Variants in SLC2A3 observed in about 807,000 individuals in gnomAD.
SLC2A3 encodes solute carrier family 2 member 3, also known as solute carrier family 2, facilitated glucose transporter member 3.
Under a neutral mutation model 46.4 loss-of-function variants are expected in SLC2A3, and 21 were observed. The ratio of observed to expected loss-of-function variants is 0.45; its 90% CI spans 0.32 to 0.65. The LOEUF is 0.65. SLC2A3 is among the 30% of genes least tolerant of loss of function. The probability of loss-of-function intolerance (pLI) is 0.04; values close to 1 mark genes in which losing one functional copy is unlikely to be tolerated. For synonymous variants in SLC2A3, 213 were observed against 239.4 expected, an observed-to-expected ratio of 0.89 and a Z score of 1.02; for missense variants, 499 against 623.3, an observed-to-expected ratio of 0.80 and a Z score of 2.12.
At chr12:7,928,126 G>A (rs1205402725) in intron 6 of SLC2A3, among the ~76,000 whole-genome samples, 4 of 151,688 alleles carry the variant, frequency 2.6e-5, no homozygotes, top group Non-Finnish European at 4.4e-5. Flanking sequence ...TGGGCCAGGC[G>A]CAGTGGCTCA....
chr12:7,934,736 C>A (rs1256199925), intron 1 of SLC2A3, among the ~76,000 whole-genome samples: 1 of 151,970 alleles, frequency 6.6e-6, no homozygotes, highest in African/African-American at 2.4e-5. Flanking sequence ...ATCTTAAACT[C>A]CTTTCCTTTC....
chr12:7,927,684 T>C (rs115743696), intron 6 of SLC2A3, among the ~76,000 whole-genome samples: 3,652 of 152,144 alleles, frequency 0.024, 143 homozygotes, highest in African/African-American at 0.082. Flanking sequence ...GACTCAGGAA[T>C]CCCAACCCCC....
intron 6 of SLC2A3, 64 bp from the exon 7 acceptor site, chr12:7,926,012 A>G: frequency 7.2e-7 from 1 of 1,396,680 alleles, no homozygotes; most frequent in Non-Finnish European, 1.0e-6. Flanking sequence ...AGAACCCTCA[A>G]AAATAAACTT....
intron 1 of SLC2A3, among the ~76,000 whole-genome samples, chr12:7,935,177 C>G (rs776351618): frequency 1.3e-5 from 2 of 152,192 alleles, no homozygotes; most frequent in South Asian, 4.1e-4. Flanking sequence ...TTTCTTGCTG[C>G]GCGCAGTGGC....
In SLC2A3 at chr12:7,922,295, C is replaced by T. The variant is rs958291006; in HGVS notation, c.1272+526G>A. On this transcript the variant is annotated intron_variant, in intron 9 of 9. Coordinates refer to ENST00000075120, the MANE Select transcript of SLC2A3 (RefSeq NM_006931.3). ...AGTCAGGTTGGTCCCCAACTCCTGA[C>T]CTCAAGTTATCCACCCGCCTAGGCC... Among the ~76,000 whole-genome samples, 2 of 152,096 alleles carry T rather than the reference C, an allele frequency of 1.3e-5. 1 individual carries two copies. Among genetic ancestry groups the T allele is most frequent in the Non-Finnish European group, 2.9e-5 (2 of 68,004 alleles).
chr12:7,927,380 G>A (rs1050082916), intron 6 of SLC2A3, among the ~76,000 whole-genome samples: 2 of 151,956 alleles, frequency 1.3e-5, no homozygotes, highest in African/African-American at 4.8e-5. Context: ...ATGTCTACAC[G>A]TCAAAAACCT....
Position 7,936,145 on chromosome 12 carries a change from C to A in SLC2A3, c.-111G>T, listed in dbSNP as rs2121206046. 1.1e-6 allele frequency: 1 copy of A among 888,798 alleles called. No homozygotes were observed. The highest frequency in any genetic ancestry group is 1.9e-6 in the Non-Finnish European group (1 of 524,948). The allele number at this position is 888,798 out of a possible 1,614,324, so 55.1% of individuals were successfully genotyped here. A position where few individuals can be genotyped will look rare whatever the true frequency, so the allele number is the denominator to read the frequency against. On this transcript the variant is annotated 5_prime_UTR_variant, in exon 1 of 10. Transcript: ENST00000075120. ...CCTTCTCAGCAGCAAGTTTTCTCCA[C>A]GTCCTCAGGAAGGATCCAAAGTCTT...
In SLC2A3 at chr12:7,936,043, TC is replaced by T; in HGVS notation, c.-10del. 1 of 1,606,688 alleles carries T rather than the reference TC, an allele frequency of 6.2e-7. No homozygotes were observed. Among genetic ancestry groups the T allele is most frequent in the Non-Finnish European group, 8.5e-7 (1 of 1,173,268 alleles). On this transcript the variant is annotated 5_prime_UTR_variant, in exon 1 of 10. Transcript: ENST00000075120. ...ACCTTCTGTGTCCCCATCGCTGTAA[TC>T]TAATTCAAGTCTTCAAGAAAGATCT...
intron 1 of SLC2A3, among the ~76,000 whole-genome samples, chr12:7,934,798 T>C (rs2430588): frequency 0.21 from 32,008 of 151,852 alleles, 3,864 homozygotes; most frequent in South Asian, 0.29. Context: ...AGAAGTGACC[T>C]TGCCTGCAGC....
chr12:7,924,545 T>C (rs938356639), intron 7 of SLC2A3, 34 bp from the exon 8 acceptor site: 1 of 1,572,368 alleles, frequency 6.4e-7, no homozygotes, highest in African/African-American at 1.4e-5. Flanking sequence ...ACTTCAGTTT[T>C]CCTTTCCATG....
intron 7 of SLC2A3, 128 bp downstream of exon 7, chr12:7,925,716 C>A: frequency 1.3e-6 from 1 of 747,376 alleles, no homozygotes; most frequent in Non-Finnish European, 2.3e-6. Context: ...AAATTTATCT[C>A]TTTTTCCCAA....
At chr12:7,921,828 C>A (rs757145979) in intron 9 of SLC2A3, among the ~76,000 whole-genome samples, 197 bp from the exon 10 acceptor site, 1 of 152,190 alleles carries the variant, frequency 6.6e-6, no homozygotes, top group South Asian at 2.1e-4. Context: ...TCTGTCATTC[C>A]ATTTCATTAC....
At chr12:7,933,960 TTTC>T in intron 1 of SLC2A3, 58 bp from the exon 2 acceptor site, 1 of 1,508,432 alleles carries the variant, frequency 6.6e-7, no homozygotes, top group Non-Finnish European at 9.2e-7. Flanking sequence ...TTGATGACTG[TTTC>T]TTATTAATTA....
intron 6 of SLC2A3, among the ~76,000 whole-genome samples, chr12:7,928,996 T>C (rs1350645211): frequency 1.3e-5 from 2 of 151,952 alleles, no homozygotes; most frequent in South Asian, 2.1e-4. Flanking sequence ...TAACCCCTCA[T>C]AAGAAGCACT....
At chr12:7,934,475 A>T (rs987413062) in intron 1 of SLC2A3, among the ~76,000 whole-genome samples, 2 of 151,196 alleles carry the variant, frequency 1.3e-5, no homozygotes, top group Non-Finnish European at 2.9e-5. Flanking sequence ...TATTAAATAC[A>T]GTTCTGCTAT....
chr12:7,920,523 ATTATC>A lies in SLC2A3; in HGVS notation c.*885_*889del, dbSNP rs1946024418. The A allele has an allele frequency of 6.6e-6, 1 of 152,188 alleles. No homozygotes were observed. The highest frequency in any genetic ancestry group is 2.4e-5 in the African/African-American group (1 of 41,432). The allele number at this position is 152,188 out of a possible 1,614,324, so 9.4% of individuals were successfully genotyped here. On this transcript the variant is annotated 3_prime_UTR_variant, in exon 10 of 10. Transcript: ENST00000075120. ...TTTCAAGTACTACTACATGTAAACT[ATTATC>A]TTAAAGAAAAAAGCTCCAAAGGAAA...
In SLC2A3 at chr12:7,925,936, A is replaced by T. The variant is rs1946090611; in HGVS notation, c.874T>A (p.Ser292Thr). 1 of 1,613,042 alleles carries T rather than the reference A, an allele frequency of 6.2e-7. No homozygotes were observed. The highest frequency in any genetic ancestry group is 1.7e-5 in the Admixed American group (1 of 59,968). Residue 292 changes from serine (S) to threonine (T), a missense_variant, in exon 7 of 10, where the codon TCA (serine) becomes ACA (threonine). Coordinates refer to ENST00000075120, the MANE Select transcript of SLC2A3 (RefSeq NM_006931.3). ...CCTGCATCCTTGAAGATTCCTGTTGAGTAATAGAACACCTAGGAGAAAAGA... is the reference window on the plus strand; with the variant it reads ...CCTGCATCCTTGAAGATTCCTGTTGTGTAATAGAACACCTAGGAGAAAAGA... ...LSGINAVFYY[S>T]TGIFKDAGVQ...
Position 7,921,015 on chromosome 12 carries a change from G to T in SLC2A3, c.*398C>A. The T allele has an allele frequency of 4.0e-6, 1 of 252,538 alleles. No individual in the cohort carries two copies. The highest frequency in any genetic ancestry group is 4.0e-5 in the South Asian group (1 of 24,760). The allele number at this position is 252,538 out of a possible 1,614,324, so 15.6% of individuals were successfully genotyped here. On this transcript the variant is annotated 3_prime_UTR_variant, in exon 10 of 10. Coordinates refer to ENST00000075120, the MANE Select transcript of SLC2A3 (RefSeq NM_006931.3). The stretch of plus-strand genomic sequence containing the variant: ...GGTGCTCTTACATAAACACCCTCCG[G>T]CTTCCACACTCATATGTATCTGCTT...
intron 7 of SLC2A3, 106 bp downstream of exon 7, chr12:7,925,738 G>C: frequency 1.1e-6 from 1 of 876,852 alleles, no homozygotes; most frequent in Non-Finnish European, 1.8e-6. Flanking sequence ...GGAAAATTAA[G>C]CAACAAAAAG....
Sources: allele counts gnomAD v4.1 joint callset (sites outside exome capture counted in the v4.1 genomes callset), GRCh38; gene constraint gnomAD v4.1.1; transcripts MANE v1.5; gene names NCBI Gene and HGNC (gene_info 2026-07-23, HGNC 2026-07-21).